CD44: variants seen among roughly 807,000 people sequenced by gnomAD.
The protein encoded by CD44 is CD44 molecule (IN blood group).
In CD44, 49 loss-of-function variants were observed where a neutral mutation model predicts 88.8. That is an observed-to-expected ratio of 0.55 (90% CI 0.44 to 0.70). The LOEUF (loss-of-function observed/expected upper bound fraction) is 0.70, where lower values mean the gene tolerates loss of function less well. CD44 is among the 30% of genes least tolerant of loss of function. The pLI, the probability that CD44 is intolerant of heterozygous loss-of-function variation, is 0.00. For synonymous variants in CD44, 325 were observed against 312.3 expected (o/e 1.04, Z -0.43); for missense variants, 883 against 913.8 (o/e 0.97, Z 0.43).
rs565794584 is a variant in CD44, at chr11:35,204,448, A to G, written c.1154-64A>G. On this transcript the variant is annotated intron_variant, in intron 9 of 17. Coordinates refer to ENST00000428726, the MANE Select transcript of CD44 (RefSeq NM_000610.4). ...GTATCTGCCCTTAAAGTAGAAAGAT[A>G]TGTTGACAGCTATTGGTGAGGAAAA... The G allele has an allele frequency of 5.2e-5, 80 of 1,540,960 alleles. 1 individual carries two copies. The South Asian group carries it at 8.8e-4, about 17-fold the overall frequency.
intron 4 of CD44, among the ~76,000 whole-genome samples, chr11:35,187,403 G>A (rs1945795032): frequency 1.3e-5 from 2 of 152,010 alleles, no homozygotes; most frequent in African/African-American, 4.8e-5. Context: ...CTCATGCATC[G>A]TTCCTCAAAC....
intron 9 of CD44, among the ~76,000 whole-genome samples, chr11:35,202,491 A>G (rs1314463876): frequency 6.6e-6 from 1 of 152,162 alleles, no homozygotes; most frequent in East Asian, 1.9e-4. Context: ...TCTTTTATCT[A>G]TCCCGCTGAG....
chr11:35,173,956 A>T (rs1944183407), intron 1 of CD44, among the ~76,000 whole-genome samples: 1 of 152,226 alleles, frequency 6.6e-6, no homozygotes, highest in South Asian at 2.1e-4. Context: ...GCCACTTAAG[A>T]GCTGGGTGAC....
At chr11:35,209,434 A>G (rs753380620) in intron 12 of CD44, among the ~76,000 whole-genome samples, 30 of 152,186 alleles carry the variant, frequency 2.0e-4, no homozygotes, top group Non-Finnish European at 3.2e-4. Context: ...AAGGTAGCTA[A>G]GTATTTCCTT....
intron 3 of CD44, among the ~76,000 whole-genome samples, chr11:35,180,767 G>A (rs1457846921): frequency 1.3e-5 from 2 of 152,168 alleles, no homozygotes; most frequent in Non-Finnish European, 2.9e-5. Flanking sequence ...TTTTAAGAAA[G>A]TTTACGGGTT....
intron 15 of CD44, among the ~76,000 whole-genome samples, chr11:35,216,461 G>T (rs1948835930): frequency 6.6e-6 from 1 of 152,194 alleles, no homozygotes; most frequent in East Asian, 1.9e-4. Flanking sequence ...TATGAAGATG[G>T]ATATTTACAT....
chr11:35,150,046 C>T (rs1443931882), intron 1 of CD44, among the ~76,000 whole-genome samples: 1 of 146,818 alleles, frequency 6.8e-6, no homozygotes, highest in Non-Finnish European at 1.5e-5. Context: ...AGGATCTGAA[C>T]ACTGTACTCT....
chr11:35,224,693 G>C (rs1194675546), intron 17 of CD44, among the ~76,000 whole-genome samples: 1 of 152,128 alleles, frequency 6.6e-6, no homozygotes. Flanking sequence ...AGCCATGATA[G>C]TGCCACTACA....
chr11:35,196,498 T>G (rs923213558), intron 5 of CD44, among the ~76,000 whole-genome samples: 1 of 149,322 alleles, frequency 6.7e-6, no homozygotes, highest in Non-Finnish European at 1.5e-5. Context: ...AGCAAAATTT[T>G]TAAATCTTTA....
chr11:35,224,550 A>G (rs1949559043), intron 17 of CD44, among the ~76,000 whole-genome samples: 1 of 152,200 alleles, frequency 6.6e-6, no homozygotes, highest in South Asian at 2.1e-4. Flanking sequence ...CAGCCTGGGC[A>G]ACATGGCGAA....
intron 1 of CD44, among the ~76,000 whole-genome samples, chr11:35,175,759 C>A (rs1396564106): frequency 6.6e-6 from 1 of 151,920 alleles, no homozygotes; most frequent in Non-Finnish European, 1.5e-5. Context: ...TTTACCATGT[C>A]TTTTCTCAGA....
At chr11:35,139,423 G>C (rs1471914547) in intron 1 of CD44, 53 bp downstream of exon 1, 2 of 1,499,398 alleles carry the variant, frequency 1.3e-6, no homozygotes, top group East Asian at 2.4e-5. Flanking sequence ...TGCTCAGCGC[G>C]GACCCGGCGG....
chr11:35,139,463 G>GA lies in CD44; in HGVS notation c.67+94dup, dbSNP rs548826532. The GA allele has an allele frequency of 1.7e-3, 1,958 of 1,137,308 alleles. 29 individuals are homozygous for GA. The African/African-American group carries it at 0.027, about 16-fold the overall frequency. The allele number at this position is 1,137,308 out of a possible 1,614,324, so 70.5% of individuals were successfully genotyped here. A position where few individuals can be genotyped will look rare whatever the true frequency, so the allele number is the denominator to read the frequency against. Reference sequence around the variant, plus strand: ...CCCTCCGGCTGAGTCGGCCCTGGGGGACTGGAGTCAAGTGAGCTGTCTGCG... The same window carrying GA: ...CCCTCCGGCTGAGTCGGCCCTGGGGGAACTGGAGTCAAGTGAGCTGTCTGCG... On this transcript the variant is annotated intron_variant, in intron 1 of 17. Coordinates refer to ENST00000428726, the MANE Select transcript of CD44 (RefSeq NM_000610.4).
intron 1 of CD44, among the ~76,000 whole-genome samples, chr11:35,152,538 C>T (rs550084557): frequency 6.6e-6 from 1 of 152,324 alleles, no homozygotes; most frequent in South Asian, 2.1e-4. Context: ...TCCCCTAGAC[C>T]TCTCCACCTT....
chr11:35,190,275 G>T, intron 5 of CD44: 1 of 586,892 alleles, frequency 1.7e-6, no homozygotes, highest in South Asian at 2.1e-5. Flanking sequence ...ATCTATAACT[G>T]TTTTTCTTAC....
chr11:35,141,756 G>A (rs118126222), intron 1 of CD44, among the ~76,000 whole-genome samples: 465 of 152,246 alleles, frequency 3.1e-3, no homozygotes, highest in Non-Finnish European at 5.1e-3. Context: ...TAACTGCCCC[G>A]GCCCTCGCTT....
chr11:35,165,190 T>C (rs951763135), intron 1 of CD44, among the ~76,000 whole-genome samples: 3 of 152,180 alleles, frequency 2.0e-5, no homozygotes, highest in Admixed American at 6.5e-5. Flanking sequence ...AATACTGTGG[T>C]TGTGCCTAAG....
intron 5 of CD44, among the ~76,000 whole-genome samples, chr11:35,194,720 A>G (rs1591183874): frequency 6.6e-6 from 1 of 152,174 alleles, no homozygotes; most frequent in African/African-American, 2.4e-5. Context: ...GATATTCTTA[A>G]ATGTCCTGTA....
At chr11:35,165,366 A>C (rs1341008197) in intron 1 of CD44, among the ~76,000 whole-genome samples, 1 of 152,240 alleles carries the variant, frequency 6.6e-6, no homozygotes, top group Non-Finnish European at 1.5e-5. Context: ...ATCTGGGTTT[A>C]CCAAACTCTC....
Sources: allele counts gnomAD v4.1 joint callset (sites outside exome capture counted in the v4.1 genomes callset), GRCh38; gene constraint gnomAD v4.1.1; transcripts MANE v1.5; gene names NCBI Gene and HGNC (gene_info 2026-07-23, HGNC 2026-07-21).